CAND1: variants seen among roughly 807,000 people sequenced by gnomAD.
CAND1 encodes the protein cullin associated and neddylation dissociated 1, also known as cullin-associated NEDD8-dissociated protein 1.
In CAND1, 7 loss-of-function variants were observed where a neutral mutation model predicts 108.5. The observed-to-expected ratio is 0.06, with a 90% CI of 0.04 to 0.12. The LOEUF is 0.12. Among genes scored for constraint, CAND1 ranks in the 10% least tolerant of loss-of-function variants. CAND1 has a pLI of 1.00. For synonymous variants in CAND1, 534 were observed against 512.0 expected (o/e 1.04, Z -0.58); for missense variants, 941 against 1,448.7 (o/e 0.65, Z 5.69).
rs1473668769 is a variant in CAND1 at position 67,269,412 on chromosome 12, G to A, written c.-306G>A. The stretch of plus-strand genomic sequence containing the variant: ...AGTGGGAGCGAGACGGCCCTGAGTG[G>A]AAGTGTCTGGCTCCCCGTAGAGGCC... On this transcript the variant is annotated 5_prime_UTR_variant, in exon 1 of 15. Transcript: ENST00000545606. 2.5e-6 allele frequency: 1 copy of A among 401,650 alleles called. No homozygotes were observed. The highest frequency in any genetic ancestry group is 5.6e-5 in the East Asian group (1 of 17,902). 24.9% of individuals were successfully genotyped at this position (401,650 alleles called of 1,614,324 possible). A position where few individuals can be genotyped will look rare whatever the true frequency, so the allele number is the denominator to read the frequency against.
intron 6 of CAND1, 31 bp downstream of exon 6, chr12:67,297,884 A>C (rs1438171977): frequency 7.2e-7 from 1 of 1,380,366 alleles, no homozygotes; most frequent in Non-Finnish European, 1.0e-6. Flanking sequence ...TTTTTTACAA[A>C]AAGTTTTTCC....
chr12:67,306,987 T>C (rs554918132), intron 10 of CAND1, among the ~76,000 whole-genome samples: 158 of 152,258 alleles, frequency 1.0e-3, no homozygotes, highest in African/African-American at 3.6e-3. Flanking sequence ...GTTTTCAGAT[T>C]TACCAGTGTC....
chr12:67,302,665 T>G, intron 8 of CAND1, 50 bp downstream of exon 8: 2 of 1,500,012 alleles, frequency 1.3e-6, no homozygotes, highest in Non-Finnish European at 1.8e-6. Context: ...ATGCAATGCT[T>G]TTAAAATTGT....
chr12:67,311,811 A>T lies in CAND1; in HGVS notation c.3468+11A>T, dbSNP rs747975156. On this transcript the variant is annotated intron_variant, in intron 14 of 14. Transcript: ENST00000545606. ...ACATGTACAACTAAGGTAAGAAATG[A>T]TAAGTATCAACCTAGGTCAGACTTG... The T allele has an allele frequency of 8.6e-6, 13 of 1,511,228 alleles. No homozygotes were observed. Among genetic ancestry groups the T allele is most frequent in the East Asian group, 2.3e-5 (1 of 44,320 alleles). 93.6% of individuals were successfully genotyped at this position (1,511,228 alleles called of 1,614,324 possible).
chr12:67,314,697 T>A lies in CAND1; in HGVS notation c.*1867T>A, dbSNP rs928516926. On this transcript the variant is annotated 3_prime_UTR_variant, in exon 15 of 15. Transcript: ENST00000545606. Reference sequence around the variant, plus strand: ...AATCCAAATACTTCAACTGGCTTTTTCTTCAGTTTGTTTGTTTTTAACTTT... The same window carrying A: ...AATCCAAATACTTCAACTGGCTTTTACTTCAGTTTGTTTGTTTTTAACTTT... The A allele has an allele frequency of 6.6e-6, 1 of 152,244 alleles. No individual in the cohort carries two copies. The highest frequency in any genetic ancestry group is 2.4e-5 in the African/African-American group (1 of 41,464). 9.4% of individuals were successfully genotyped at this position (152,244 alleles called of 1,614,324 possible). A position where few individuals can be genotyped will look rare whatever the true frequency, so the allele number is the denominator to read the frequency against.
chr12:67,275,248 C>T (rs1248928745), intron 1 of CAND1, among the ~76,000 whole-genome samples: 1 of 151,912 alleles, frequency 6.6e-6, no homozygotes, highest in Non-Finnish European at 1.5e-5. Context: ...CAATTTAGGT[C>T]TTGTGTGGTG....
chr12:67,272,736 C>A (rs929948907), intron 1 of CAND1, among the ~76,000 whole-genome samples: 3 of 151,810 alleles, frequency 2.0e-5, no homozygotes, highest in Admixed American at 1.3e-4. Flanking sequence ...TCTTTTCTGT[C>A]GCCAGGCTGT....
chr12:67,302,444 C>T lies in CAND1; in HGVS notation c.1122C>T (p.Thr374=), dbSNP rs201264410. 1,459 of 1,613,998 alleles carry T rather than the reference C, an allele frequency of 9.0e-4. 29 individuals are homozygous for T. The South Asian group carries it at 0.015, about 17-fold the overall frequency. Residue 374 remains threonine, a synonymous_variant, in exon 8 of 15, where the codon ACC becomes ACT. Coordinates refer to ENST00000545606, the MANE Select transcript of CAND1 (RefSeq NM_018448.5). The part of the protein sequence containing the change: ...RHEMLPEFYK[T]VSPALISRFK... ...AAATGCTTCCAGAATTCTACAAGAC[C>T]GTCTCTCCTGCACTAATATCCAGAT...
intron 4 of CAND1, 21 bp downstream of exon 4, chr12:67,295,177 C>A: frequency 6.2e-7 from 1 of 1,601,024 alleles, no homozygotes; most frequent in Non-Finnish European, 8.5e-7. Context: ...CTGTTTATTT[C>A]CGTTACTCGT....
intron 2 of CAND1, among the ~76,000 whole-genome samples, chr12:67,283,538 G>A (rs1007788521): frequency 6.7e-6 from 1 of 150,284 alleles, no homozygotes; most frequent in South Asian, 2.1e-4. Context: ...AGCCAAGATC[G>A]TGCCACTGCA....
intron 1 of CAND1, among the ~76,000 whole-genome samples, chr12:67,278,032 C>A (rs1053179366): frequency 1.3e-5 from 2 of 152,196 alleles, no homozygotes; most frequent in African/African-American, 4.8e-5. Flanking sequence ...GCTTCCCACT[C>A]TCTTAGAATA....
chr12:67,296,593 A>G (rs573407019), intron 4 of CAND1, among the ~76,000 whole-genome samples: 40 of 151,610 alleles, frequency 2.6e-4, no homozygotes, highest in African/African-American at 8.2e-4. Flanking sequence ...CACCACCTCC[A>G]CTGGCTAATT....
At chr12:67,280,844 AC>A (rs143856239) in intron 1 of CAND1, among the ~76,000 whole-genome samples, 7,984 of 152,148 alleles carry the variant, frequency 0.052, 702 homozygotes, top group African/African-American at 0.18. Flanking sequence ...GCCAGGCAAC[AC>A]ACTGTTAAAC....
chr12:67,309,289 A>T (rs923666042), intron 11 of CAND1, among the ~76,000 whole-genome samples: 1 of 151,858 alleles, frequency 6.6e-6, no homozygotes, highest in Non-Finnish European at 1.5e-5. Context: ...AAATACCTAG[A>T]TGGCTTCTCT....
At chr12:67,286,309 C>T (rs901783446) in intron 2 of CAND1, among the ~76,000 whole-genome samples, 2 of 152,172 alleles carry the variant, frequency 1.3e-5, no homozygotes, top group African/African-American at 2.4e-5. Context: ...CGCGCCCTGC[C>T]GTCTTTATTT....
Position 67,316,236 on chromosome 12 carries a change from T to G in CAND1, c.*3406T>G, listed in dbSNP as rs1359460120. The G allele has an allele frequency of 6.6e-6, 1 of 152,202 alleles. No homozygotes were observed. Among genetic ancestry groups the G allele is most frequent in the African/African-American group, 2.4e-5 (1 of 41,444 alleles). The allele number at this position is 152,202 out of a possible 1,614,324, so 9.4% of individuals were successfully genotyped here. On this transcript the variant is annotated 3_prime_UTR_variant, in exon 15 of 15. Coordinates refer to ENST00000545606, the MANE Select transcript of CAND1 (RefSeq NM_018448.5). ...ACTGATTGGACAAAGGATATTCTGG[T>G]TTTAACTGACTTTTCCATTTAAATA...
At chr12:67,278,587 C>T (rs1421197870) in intron 1 of CAND1, among the ~76,000 whole-genome samples, 2 of 152,060 alleles carry the variant, frequency 1.3e-5, no homozygotes, top group Admixed American at 6.6e-5. Flanking sequence ...GGCTCAATCT[C>T]GGCTCACTGC....
intron 11 of CAND1, 31 bp downstream of exon 11, chr12:67,307,523 T>C: frequency 1.4e-6 from 2 of 1,434,176 alleles, no homozygotes; most frequent in Non-Finnish European, 9.8e-7. Context: ...ACATACTGAT[T>C]TTTGGACTTT....
chr12:67,316,734 T>G lies in CAND1; in HGVS notation c.*3904T>G, dbSNP rs1277088532. On this transcript the variant is annotated 3_prime_UTR_variant, in exon 15 of 15. Transcript: ENST00000545606. ...GTCTTAGAAGACAGAAAGCTTATGCTATGTAAAGTGACATTGTTTCCAGAT... is the reference window on the plus strand; with the variant it reads ...GTCTTAGAAGACAGAAAGCTTATGCGATGTAAAGTGACATTGTTTCCAGAT... The G allele has an allele frequency of 1.3e-5, 2 of 152,262 alleles. No individual in the cohort carries two copies. Among genetic ancestry groups the G allele is most frequent in the East Asian group, 3.8e-4 (2 of 5,204 alleles). The allele number at this position is 152,262 out of a possible 1,614,324, so 9.4% of individuals were successfully genotyped here.
Sources: gnomAD v4.1 joint callset for allele counts (sites outside exome capture counted in the v4.1 genomes callset) on GRCh38, gnomAD v4.1.1 for gene constraint, MANE v1.5 for transcripts, NCBI Gene and HGNC (gene_info 2026-07-23, HGNC 2026-07-21) for gene names.